SSBP3: variants seen among roughly 807,000 people sequenced by gnomAD.
SSBP3 encodes single-stranded DNA-binding protein 3.
A neutral mutation model predicts 69.6 loss-of-function variants in SSBP3; 5 were observed. The observed-to-expected ratio is 0.07, with a 90% CI of 0.04 to 0.15. The LOEUF (loss-of-function observed/expected upper bound fraction) is 0.15. Ranked by LOEUF, SSBP3 falls within the 10% of genes least tolerant of loss-of-function variation. SSBP3 has a pLI of 1.00. For missense variants in SSBP3, 312 were observed against 534.0 expected (o/e 0.58, Z 4.10); for synonymous variants, 196 against 193.4 (o/e 1.01, Z -0.11).
chr1:54,339,751 A>G (rs942019900), intron 4 of SSBP3, among the ~76,000 whole-genome samples: 2 of 151,966 alleles, frequency 1.3e-5, no homozygotes, highest in African/African-American at 4.8e-5. Flanking sequence ...CATCTCTACT[A>G]AAAATACAAA....
At chr1:54,341,343 TG>T (rs1220508103) in intron 4 of SSBP3, among the ~76,000 whole-genome samples, 4 of 152,138 alleles carry the variant, frequency 2.6e-5, no homozygotes, top group African/African-American at 9.7e-5. Flanking sequence ...TTTAATGTGT[TG>T]GGGGCTCCAC....
intron 4 of SSBP3, among the ~76,000 whole-genome samples, chr1:54,289,045 CAA>C (rs796091545): frequency 1.7e-4 from 7 of 41,136 alleles, no homozygotes; most frequent in Admixed American, 6.0e-4. Flanking sequence ...AACAAAAAAA[CAA>C]AAAAAAAAAA....
chr1:54,406,263 G>A, exon 1 of SSBP3: 1 of 339,486 alleles, frequency 2.9e-6, no homozygotes, highest in East Asian at 4.4e-5. Context: ...GGCTCGGCCT[G>A]GGGGTGCCGC....
At chr1:54,250,758 C>G (rs905481568) in intron 9 of SSBP3, among the ~76,000 whole-genome samples, 1 of 152,162 alleles carries the variant, frequency 6.6e-6, no homozygotes, top group African/African-American at 2.4e-5. Flanking sequence ...TGGAACATCG[C>G]GAACGCTCTG....
intron 5 of SSBP3, among the ~76,000 whole-genome samples, chr1:54,272,565 C>T (rs558456645): frequency 1.9e-4 from 29 of 151,932 alleles, no homozygotes; most frequent in African/African-American, 6.8e-4. Flanking sequence ...GAGAGTCCAC[C>T]CCTCAGTCAG....
At chr1:54,298,041 A>G (rs1645732064) in intron 4 of SSBP3, among the ~76,000 whole-genome samples, 1 of 152,072 alleles carries the variant, frequency 6.6e-6, no homozygotes, top group Admixed American at 6.5e-5. Context: ...CTGCCCCCTC[A>G]TGCTCCCCAA....
At chr1:54,350,340 C>T (rs1019794616) in intron 4 of SSBP3, among the ~76,000 whole-genome samples, 1 of 152,164 alleles carries the variant, frequency 6.6e-6, no homozygotes. Flanking sequence ...TTTGAAAGTG[C>T]GGAACAAGCG....
rs6696047 is a variant in SSBP3, at chr1:54,267,131, G to A, written c.367-8982C>T. On this transcript the variant is annotated intron_variant, in intron 5 of 17. Transcript: ENST00000610401. ...GATCCTCTGGGGTCATCTCAGCCAG[G>A]AAAAGGCTCCACCTCGAATGGCTGT... Among the ~76,000 whole-genome samples, 653 of 152,312 alleles carry A rather than the reference G, an allele frequency of 4.3e-3. 9 individuals are homozygous for A. Among genetic ancestry groups the A allele is most frequent in the African/African-American group, 0.013 (528 of 41,570 alleles).
intron 4 of SSBP3, among the ~76,000 whole-genome samples, chr1:54,357,244 G>A (rs1320288236): frequency 4.6e-5 from 7 of 152,186 alleles, no homozygotes; most frequent in African/African-American, 1.7e-4. Context: ...AGGCTTTGCA[G>A]CAATCGTGAC....
intron 3 of SSBP3, among the ~76,000 whole-genome samples, chr1:54,402,457 T>C (rs1365037120): frequency 2.6e-5 from 4 of 152,166 alleles, no homozygotes; most frequent in Non-Finnish European, 5.9e-5. Flanking sequence ...TTTGGAAGAC[T>C]CTGGCAATAG....
intron 4 of SSBP3, among the ~76,000 whole-genome samples, chr1:54,296,239 A>G (rs901301570): frequency 6.6e-6 from 1 of 152,214 alleles, no homozygotes; most frequent in East Asian, 1.9e-4. Flanking sequence ...TTCTCCTCAA[A>G]CAACTGTTGG....
chr1:54,386,166 A>C (rs1648066584), intron 4 of SSBP3, among the ~76,000 whole-genome samples: 1 of 152,126 alleles, frequency 6.6e-6, no homozygotes, highest in South Asian at 2.1e-4. Context: ...GCTCTCCCTC[A>C]AGACAGGGAT....
intron 9 of SSBP3, among the ~76,000 whole-genome samples, chr1:54,248,676 T>C (rs1203814708): frequency 1.3e-5 from 2 of 152,144 alleles, no homozygotes; most frequent in Non-Finnish European, 2.9e-5. Flanking sequence ...CCACAGACCC[T>C]GTAATCCATC....
At chr1:54,391,700 A>G (rs1209001507) in intron 4 of SSBP3, among the ~76,000 whole-genome samples, 2 of 152,218 alleles carry the variant, frequency 1.3e-5, no homozygotes, top group Non-Finnish European at 2.9e-5. Flanking sequence ...ACACACAAAG[A>G]GCAGGGGACA....
chr1:54,404,451 C>T, intron 3 of SSBP3, 125 bp downstream of exon 3: 1 of 1,176,692 alleles, frequency 8.5e-7, no homozygotes, highest in Non-Finnish European at 1.2e-6. Context: ...CTCGAGGTGC[C>T]CCGCTCTGTG....
At chr1:54,381,441 T>C (rs1249682506) in intron 4 of SSBP3, among the ~76,000 whole-genome samples, 1 of 151,240 alleles carries the variant, frequency 6.6e-6, no homozygotes, top group African/African-American at 2.4e-5. Context: ...GTCTTCATTC[T>C]TTTAGTTTAT....
chr1:54,255,619 G>A (rs1377735128), intron 7 of SSBP3: 2 of 152,170 alleles, frequency 1.3e-5, no homozygotes, highest in East Asian at 3.9e-4. Context: ...CATCTGTGAT[G>A]TATCCAGGGA....
intron 4 of SSBP3, among the ~76,000 whole-genome samples, chr1:54,397,662 G>A (rs1433469222): frequency 1.3e-5 from 2 of 152,136 alleles, no homozygotes; most frequent in African/African-American, 4.8e-5. Flanking sequence ...AGGCAAGCAA[G>A]GAAAATTCAT....
intron 5 of SSBP3, among the ~76,000 whole-genome samples, chr1:54,263,772 C>T (rs1645055289): frequency 6.6e-6 from 1 of 152,204 alleles, no homozygotes. Context: ...TGGGGCAGGG[C>T]CCAAACAGAG....
Sources: allele counts gnomAD v4.1 joint callset (sites outside exome capture counted in the v4.1 genomes callset), GRCh38; gene constraint gnomAD v4.1.1; transcripts MANE v1.5; gene names NCBI Gene and HGNC (gene_info 2026-07-23, HGNC 2026-07-21).